Variants in PALB2 observed in about 807,000 individuals in gnomAD.
PALB2 encodes the protein mutant partner and localizer of BRCA2.
Under a neutral mutation model 107.4 loss-of-function variants are expected in PALB2, and 82 were observed. The observed-to-expected ratio is 0.76, with a 90% CI of 0.64 to 0.92. The LOEUF (loss-of-function observed/expected upper bound fraction) is 0.92. PALB2 is among the 40% of genes least tolerant of loss of function. The pLI is 0.00. For synonymous variants in PALB2, 489 were observed against 496.8 expected, an observed-to-expected ratio of 0.98 and a Z score of 0.21; for missense variants, 1,374 against 1,379.9, an observed-to-expected ratio of 1.00 and a Z score of 0.07.
Position 23,630,401 on chromosome 16 carries a change from C to T in PALB2, c.1753G>A (p.Asp585Asn), listed in dbSNP as rs878855102. 5 of 1,614,022 alleles carry T rather than the reference C, an allele frequency of 3.1e-6. No individual in the cohort carries two copies. In the African/African-American group the frequency reaches 6.7e-5, roughly 22 times the overall value. ...WSNSAYLSLD[D>N]DAFTAPFHRD... ...TGAAATGGAGCCGTGAAAGCATCAT[C>T]ATCCAAGGATAAATAAGCACTATTA... The change falls in exon 5 of 13, where the codon GAT becomes AAT. Residue 585 changes from aspartate to asparagine, a missense_variant. Coordinates refer to ENST00000261584, the MANE Select transcript of PALB2 (RefSeq NM_024675.4).
intron 11 of PALB2, among the ~76,000 whole-genome samples, chr16:23,613,225 T>A (rs1966618911): frequency 6.6e-6 from 1 of 152,184 alleles, no homozygotes; most frequent in Non-Finnish European, 1.5e-5. Flanking sequence ...ACTACAGTCA[T>A]TCTACTCTGC....
chr16:23,638,748 T>A (rs575717367), intron 1 of PALB2, among the ~76,000 whole-genome samples: 6 of 152,246 alleles, frequency 3.9e-5, no homozygotes, highest in African/African-American at 1.2e-4. Flanking sequence ...CAGAGTGATA[T>A]GAGAGAGTTA....
intron 11 of PALB2, among the ~76,000 whole-genome samples, chr16:23,611,447 A>C: frequency 6.7e-6 from 1 of 150,214 alleles, no homozygotes; most frequent in Non-Finnish European, 1.5e-5. Flanking sequence ...TGCCCAGCCT[A>C]GTTATTATTA....
chr16:23,626,903 G>A (rs1241581298), intron 6 of PALB2, among the ~76,000 whole-genome samples: 1 of 152,028 alleles, frequency 6.6e-6, no homozygotes, highest in African/African-American at 2.4e-5. Context: ...TTACAGGCAT[G>A]AGCCACCGTG....
intron 10 of PALB2, among the ~76,000 whole-genome samples, chr16:23,614,967 T>G (rs1326265953): frequency 7.0e-6 from 1 of 143,266 alleles, no homozygotes; most frequent in African/African-American, 2.6e-5. Flanking sequence ...TTTTTTTTTT[T>G]GAGATGGAGT....
rs187530894 is a variant in PALB2 at position 23,615,031 on chromosome 16, C to T, written c.3114-940G>A. Among the ~76,000 whole-genome samples, 3 of 148,308 alleles carry T rather than the reference C, an allele frequency of 2.0e-5. No homozygotes were observed. In the Admixed American group the frequency reaches 2.1e-4, roughly 10 times the overall value. On this transcript the variant is annotated intron_variant, in intron 10 of 12. Transcript: ENST00000261584. ...TGGTGCCATCTTGGCTCACTGCAAT[C>T]TGCACCTCCCAGGTTCCAGCAATTC...
At chr16:23,619,052 A>T (rs1425814292) in intron 10 of PALB2, among the ~76,000 whole-genome samples, 1 of 151,042 alleles carries the variant, frequency 6.6e-6, no homozygotes, top group African/African-American at 2.4e-5. Flanking sequence ...CATAGTGTTT[A>T]AAAAAAAGAA....
At chr16:23,606,960 C>T (rs1013748274) in intron 12 of PALB2, among the ~76,000 whole-genome samples, 43 of 151,272 alleles carry the variant, frequency 2.8e-4, no homozygotes, top group Non-Finnish European at 5.7e-4. Flanking sequence ...ATTATAGGTG[C>T]CTGCCACCGT....
In PALB2 at chr16:23,606,386, C is replaced by T. The variant is rs973791477; in HGVS notation, c.3350+1478G>A. Among the ~76,000 whole-genome samples, 4 of 152,034 alleles carry T rather than the reference C, an allele frequency of 2.6e-5. No individual in the cohort carries two copies. The East Asian group carries it at 5.8e-4, about 22-fold the overall frequency. On this transcript the variant is annotated intron_variant, in intron 12 of 12. Coordinates refer to ENST00000261584, the MANE Select transcript of PALB2 (RefSeq NM_024675.4). ...TGCCACTGCACTCCAGCCTGGGCAACAAAGCAAGACCCTGCAGAAGTGTCA... is the reference window on the plus strand; with the variant it reads ...TGCCACTGCACTCCAGCCTGGGCAATAAAGCAAGACCCTGCAGAAGTGTCA...
Position 23,635,955 on chromosome 16 carries a change from A to T in PALB2, c.591T>A (p.Thr197=), listed in dbSNP as rs773073532. 1 of 1,614,154 alleles carries T rather than the reference A, an allele frequency of 6.2e-7. No individual in the cohort carries two copies. Among genetic ancestry groups the T allele is most frequent in the East Asian group, 2.2e-5 (1 of 44,882 alleles). ...GTTCAGATTTAAGACTTAAAAGGTG[A>T]GTTCTTATTTCAGTTACTGGTGATC... ...PARSPVTEIR[T]HLLSLKSELP... The change falls in exon 4 of 13, where the codon ACT becomes ACA. Residue 197 remains threonine, a synonymous_variant. Coordinates refer to ENST00000261584, the MANE Select transcript of PALB2 (RefSeq NM_024675.4).
intron 4 of PALB2, among the ~76,000 whole-genome samples, chr16:23,632,004 T>C (rs1966882526): frequency 6.6e-6 from 1 of 152,174 alleles, no homozygotes; most frequent in African/African-American, 2.4e-5. Context: ...TTGCAAATGG[T>C]ATCCCACATC....
intron 11 of PALB2, among the ~76,000 whole-genome samples, chr16:23,608,517 T>C (rs568387713): frequency 6.6e-6 from 1 of 152,196 alleles, no homozygotes; most frequent in East Asian, 1.9e-4. Flanking sequence ...AGGACACACA[T>C]GTGCAGGGAG....
intron 12 of PALB2, among the ~76,000 whole-genome samples, chr16:23,604,993 G>C (rs1283430923): frequency 1.3e-5 from 2 of 151,992 alleles, no homozygotes; most frequent in African/African-American, 4.8e-5. Context: ...AGGATCGCTT[G>C]AACCTGGGAG....
chr16:23,627,577 G>A, intron 6 of PALB2, among the ~76,000 whole-genome samples: 1 of 150,960 alleles, frequency 6.6e-6, no homozygotes. Context: ...TAAGCATGCA[G>A]CTCAGGAAGT....
chr16:23,608,801 T>TACACAC (rs10525601), intron 11 of PALB2, among the ~76,000 whole-genome samples: 3 of 143,762 alleles, frequency 2.1e-5, no homozygotes, highest in Non-Finnish European at 3.0e-5. Context: ...TGTATATATA[T>TACACAC]ACACACACAC....
Position 23,641,097 on chromosome 16 carries a change from G to T in PALB2, c.48+13C>A, listed in dbSNP as rs1226428051. ...TCAGAGTCCTGCGTCCGCCCTTCCC[G>T]CACCCCCGGCACCTTTTCCTTCTCC... On this transcript the variant is annotated intron_variant, in intron 1 of 12. Coordinates refer to ENST00000261584, the MANE Select transcript of PALB2 (RefSeq NM_024675.4). 1 of 1,612,550 alleles carries T rather than the reference G, an allele frequency of 6.2e-7. No individual in the cohort carries two copies. The highest frequency in any genetic ancestry group is 8.5e-7 in the Non-Finnish European group (1 of 1,179,448).
At chr16:23,639,374 G>C (rs1204528793) in intron 1 of PALB2, among the ~76,000 whole-genome samples, 1 of 151,194 alleles carries the variant, frequency 6.6e-6, no homozygotes, top group South Asian at 2.1e-4. Context: ...TTCTACTAAA[G>C]ATACAAAAAT....
rs1169756751 is a variant in PALB2, at chr16:23,630,268, G to A, written c.1886C>T (p.Ser629Phe). 5 of 1,613,938 alleles carry A rather than the reference G, an allele frequency of 3.1e-6. No individual in the cohort carries two copies. The highest frequency in any genetic ancestry group is 4.2e-6 in the Non-Finnish European group (5 of 1,179,992). ...GGGCTCCACTGGTTTTTCTGAGCAG[G>A]ACTTCACTTTTTCAAGCTTAAGAGG... Reference protein sequence around the residue: ...FGPLKLEKVKSCSEKPVEPFE... With the variant: ...FGPLKLEKVKFCSEKPVEPFE... Residue 629 changes from serine to phenylalanine, a missense_variant, in exon 5 of 13, where the codon TCC becomes TTC. Ser to Phe is a radical substitution (Grantham distance 155). Transcript: ENST00000261584.
intron 4 of PALB2, 150 bp downstream of exon 4, chr16:23,634,712 T>C: frequency 1.1e-6 from 1 of 908,590 alleles, no homozygotes; most frequent in East Asian, 2.8e-5. Context: ...ACTCTGTTCC[T>C]CAGCCTCCCA....
Sources: gnomAD v4.1 joint callset for allele counts (sites outside exome capture counted in the v4.1 genomes callset) on GRCh38, gnomAD v4.1.1 for gene constraint, MANE v1.5 for transcripts, NCBI Gene and HGNC (gene_info 2026-07-23, HGNC 2026-07-21) for gene names.